Variants in RFTN1 observed in about 807,000 individuals in gnomAD.
RFTN1 encodes the protein raftlin.
Under a neutral mutation model 46.5 loss-of-function variants are expected in RFTN1, and 26 were observed. The ratio of observed to expected loss-of-function variants is 0.56; its 90% confidence interval spans 0.41 to 0.78. The LOEUF (loss-of-function observed/expected upper bound fraction) is 0.78. RFTN1 is among the 30% of genes least tolerant of loss of function. The pLI is 0.00. For missense variants in RFTN1, 693 were observed against 718.7 expected (o/e 0.96, Z 0.41); for synonymous variants, 261 against 284.2 (o/e 0.92, Z 0.82).
chr3:16,423,143 G>A (rs1158576423), intron 3 of RFTN1, among the ~76,000 whole-genome samples: 1 of 151,540 alleles, frequency 6.6e-6, no homozygotes, highest in Non-Finnish European at 1.5e-5. Context: ...ACTCCAGCCT[G>A]GGTGACAGAG....
Position 16,426,249 on chromosome 3 carries a change from T to C in RFTN1, c.332+7602A>G, listed in dbSNP as rs1396743012. On this transcript the variant is annotated intron_variant, in intron 3 of 9. Coordinates refer to ENST00000334133, the MANE Select transcript of RFTN1 (RefSeq NM_015150.2). The surrounding 1 kb of genome is among the most constrained non-coding windows in gnomAD (Gnocchi z 5.9). The stretch of plus-strand genomic sequence containing the variant: ...GAACATTTTCTAGGGCACACCCCAG[T>C]AGGCGCTACCACCCCCTGTGTATTT... 3.3e-5 allele frequency among the ~76,000 whole-genome samples: 5 copies of C among 152,298 alleles called. No homozygotes were observed. The highest frequency in any genetic ancestry group is 2.1e-4 in the South Asian group (1 of 4,826).
chr3:16,417,560 C>G (rs902295003), intron 3 of RFTN1, among the ~76,000 whole-genome samples: 1 of 152,170 alleles, frequency 6.6e-6, no homozygotes, highest in Non-Finnish European at 1.5e-5. Context: ...TACTCATACA[C>G]AAACATCAAC....
intron 4 of RFTN1, among the ~76,000 whole-genome samples, chr3:16,386,196 T>A (rs1243695866): frequency 8.2e-6 from 1 of 121,488 alleles, no homozygotes; most frequent in South Asian, 2.1e-4. Flanking sequence ...CAGAAATGAT[T>A]TGGGAGAAGG....
At chr3:16,373,058 A>C (rs1376724968) in intron 5 of RFTN1, among the ~76,000 whole-genome samples, 2 of 152,194 alleles carry the variant, frequency 1.3e-5, no homozygotes, top group Non-Finnish European at 2.9e-5. Context: ...TCTCCAACAC[A>C]CATCCTCACG....
intron 7 of RFTN1, among the ~76,000 whole-genome samples, chr3:16,330,281 G>T (rs2070180742): frequency 6.6e-6 from 1 of 152,192 alleles, no homozygotes; most frequent in Non-Finnish European, 1.5e-5. Context: ...TATTTGGAAT[G>T]GTCTTGGCTT....
intron 1 of RFTN1, among the ~76,000 whole-genome samples, chr3:16,511,307 C>T (rs1201479605): frequency 6.6e-6 from 1 of 152,170 alleles, no homozygotes; most frequent in African/African-American, 2.4e-5. Context: ...ACCATAAGCA[C>T]ATATTGAAGT....
rs1407838219 is a variant in RFTN1 at position 16,440,293 on chromosome 3, C to T, written c.146-6256G>A. ...AATCTTGGCTCACTGAAACCTCCGC[C>T]TTCTGGACTCAAGTGATCCTCCTGC... On this transcript the variant is annotated intron_variant, in intron 2 of 9. Coordinates refer to ENST00000334133, the MANE Select transcript of RFTN1 (RefSeq NM_015150.2). The surrounding 1 kb of genome is among the most constrained non-coding windows in gnomAD (Gnocchi z 4.6). Among the ~76,000 whole-genome samples, 1 of 152,252 alleles carries T rather than the reference C, an allele frequency of 6.6e-6. No homozygotes were observed. The highest frequency in any genetic ancestry group is 2.4e-5 in the African/African-American group (1 of 41,464).
rs1358429450 is a variant in RFTN1, at chr3:16,443,282, GAT to G, written c.146-9247_146-9246del. Reference sequence around the variant, plus strand: ...GTAGCCATTCTAACAGGTGTGAGCTGATATCTCACTGTGGTTTTGATTTGCAT... The same window carrying G: ...GTAGCCATTCTAACAGGTGTGAGCTGATCTCACTGTGGTTTTGATTTGCAT... On this transcript the variant is annotated intron_variant, in intron 2 of 9. Transcript: ENST00000334133. This position sits in a 1 kb window ranked among gnomAD's most constrained non-coding sequence, Gnocchi z 5.5. 6.6e-6 allele frequency among the ~76,000 whole-genome samples: 1 copy of G among 152,176 alleles called. No individual in the cohort carries two copies. The highest frequency in any genetic ancestry group is 1.5e-5 in the Non-Finnish European group (1 of 68,030).
At chr3:16,453,159 T>A (rs1371033516) in intron 2 of RFTN1, among the ~76,000 whole-genome samples, 1 of 152,216 alleles carries the variant, frequency 6.6e-6, no homozygotes. Flanking sequence ...TTGAGTAAAT[T>A]TCCCAAGCCT....
intron 2 of RFTN1, chr3:16,482,841 C>T (rs1372420402): frequency 6.5e-7 from 1 of 1,535,734 alleles, no homozygotes; most frequent in African/African-American, 1.4e-5. Flanking sequence ...AGCCTTTCTG[C>T]CATGAAGATG....
At chr3:16,388,148 C>G (rs1003364140) in intron 4 of RFTN1, among the ~76,000 whole-genome samples, 1 of 152,234 alleles carries the variant, frequency 6.6e-6, no homozygotes, top group African/African-American at 2.4e-5. Context: ...TTGTTTCCCC[C>G]CTACCCCAAG....
intron 2 of RFTN1, among the ~76,000 whole-genome samples, chr3:16,467,900 C>A (rs1257381045): frequency 1.3e-5 from 2 of 152,186 alleles, no homozygotes; most frequent in African/African-American, 4.8e-5. Context: ...CCCACTCGTG[C>A]ATTTTGGCAG....
intron 2 of RFTN1, among the ~76,000 whole-genome samples, chr3:16,445,483 T>TCTCTCTCACACACACA (rs1352210263): frequency 1.6e-5 from 2 of 126,778 alleles, no homozygotes; most frequent in African/African-American, 6.1e-5. Flanking sequence ...TCTCTCTCTC[T>TCTCTCTCACACACACA]CACACACACA....
At chr3:16,403,784 A>AT (rs2074691425) in intron 4 of RFTN1, among the ~76,000 whole-genome samples, 1 of 14,654 alleles carries the variant, frequency 6.8e-5, no homozygotes, top group African/African-American at 3.7e-4. Context: ...TATATATTAT[A>AT]TATTTTATAT....
In RFTN1 at chr3:16,443,702, G is replaced by T. The variant is rs2075672553; in HGVS notation, c.146-9665C>A. On this transcript the variant is annotated intron_variant, in intron 2 of 9. Transcript: ENST00000334133. The surrounding 1 kb of genome is among the most constrained non-coding windows in gnomAD (Gnocchi z 5.5). ...GCGGGGAAGAGTTAAGTTGTTATTG[G>T]TTTGCTCGTCATTTCAGAGAATCAC... Among the ~76,000 whole-genome samples, 1 of 151,238 alleles carries T rather than the reference G, an allele frequency of 6.6e-6. No homozygotes were observed.
chr3:16,512,720 T>A lies in RFTN1; in HGVS notation c.-9+722A>T. On this transcript the variant is annotated intron_variant, in intron 1 of 9. Transcript: ENST00000334133. This position sits in a 1 kb window ranked among gnomAD's most constrained non-coding sequence, Gnocchi z 4.3. Reference sequence around the variant, plus strand: ...ACCACCTCCTCCTCGCCCAGACCCATATCCATCCTGGCGTCCCTTGAGTCT... The same window carrying A: ...ACCACCTCCTCCTCGCCCAGACCCAAATCCATCCTGGCGTCCCTTGAGTCT... 6.6e-6 allele frequency: 1 copy of A among 152,426 alleles called. No individual in the cohort carries two copies. The highest frequency in any genetic ancestry group is 1.9e-4 in the East Asian group (1 of 5,194). The allele number at this position is 152,426 out of a possible 1,614,324, so 9.4% of individuals were successfully genotyped here.
intron 7 of RFTN1, among the ~76,000 whole-genome samples, chr3:16,339,148 C>T (rs2071130917): frequency 6.6e-6 from 1 of 152,202 alleles, no homozygotes; most frequent in Non-Finnish European, 1.5e-5. Context: ...ATTTCTCTCT[C>T]CCTAACTTTC....
At chr3:16,408,030 T>A (rs2074900615) in intron 4 of RFTN1, among the ~76,000 whole-genome samples, 2 of 152,128 alleles carry the variant, frequency 1.3e-5, no homozygotes, top group African/African-American at 4.8e-5. Context: ...CCTAATCATT[T>A]TACTGTTATA....
chr3:16,388,182 A>T (rs754760950), intron 4 of RFTN1, among the ~76,000 whole-genome samples: 52 of 152,284 alleles, frequency 3.4e-4, no homozygotes, highest in Non-Finnish European at 6.5e-4. Context: ...AGGGGGCCTC[A>T]GCACTTTGCA....
Sources: gnomAD v4.1 joint callset for allele counts (sites outside exome capture counted in the v4.1 genomes callset) on GRCh38, gnomAD v4.1.1 for gene constraint, Gnocchi (gnomAD v3.1) non-coding constraint, MANE v1.5 for transcripts, NCBI Gene and HGNC (gene_info 2026-07-23, HGNC 2026-07-21) for gene names.